The following ATP8A2 variants were observed in gnomAD, a reference collection of about 807,000 sequenced individuals.
The protein encoded by ATP8A2 is ATPase phospholipid transporting 8A2.
In ATP8A2, 100 loss-of-function variants were observed where a neutral mutation model predicts 165.6. That is an observed-to-expected ratio of 0.60 (90% CI 0.51 to 0.71). The LOEUF is 0.71. Ranked by LOEUF, ATP8A2 falls within the 30% of genes least tolerant of loss-of-function variation. The pLI, the probability that ATP8A2 is intolerant of heterozygous loss-of-function variation, is 0.00. For synonymous variants in ATP8A2, 543 were observed against 548.8 expected (o/e 0.99, Z 0.15); for missense variants, 1,227 against 1,479.5 (o/e 0.83, Z 2.80).
At chr13:25,801,903 A>G (rs1484878581) in intron 27 of ATP8A2, among the ~76,000 whole-genome samples, 1 of 152,110 alleles carries the variant, frequency 6.6e-6, no homozygotes, top group East Asian at 1.9e-4. Flanking sequence ...AGTGCAGAGC[A>G]AAGTGGGGGC....
At chr13:25,916,931 C>T (rs1954285559) in intron 33 of ATP8A2, among the ~76,000 whole-genome samples, 1 of 152,142 alleles carries the variant, frequency 6.6e-6, no homozygotes, top group South Asian at 2.1e-4. Context: ...ATGTTGGGCA[C>T]TTGCTGAGTC....
At chr13:25,970,843 T>G (rs1955895496) in intron 35 of ATP8A2, among the ~76,000 whole-genome samples, 1 of 151,774 alleles carries the variant, frequency 6.6e-6, no homozygotes, top group South Asian at 2.1e-4. Flanking sequence ...GATAAATGAA[T>G]GTTATTTTTA....
At chr13:25,809,664 C>T (rs959981198) in intron 27 of ATP8A2, among the ~76,000 whole-genome samples, 3 of 152,068 alleles carry the variant, frequency 2.0e-5, no homozygotes, top group Non-Finnish European at 4.4e-5. Flanking sequence ...TGGGTCTCTC[C>T]TCTAGCTCAC....
In ATP8A2 at chr13:26,021,405, A is replaced by C. The variant is rs1413235025; in HGVS notation, c.*1420A>C. On this transcript the variant is annotated 3_prime_UTR_variant, in exon 37 of 37. Coordinates refer to ENST00000381655, the MANE Select transcript of ATP8A2 (RefSeq NM_016529.6). ...ATTTCAGGGAAACACCTTTTTAAAA[A>C]ATATACTGACATGGTTTCCTTTCTG... The C allele has an allele frequency of 6.6e-6, 1 of 152,280 alleles. No individual in the cohort carries two copies. The highest frequency in any genetic ancestry group is 1.9e-4 in the East Asian group (1 of 5,202). 9.4% of individuals were successfully genotyped at this position (152,280 alleles called of 1,614,324 possible). A position where few individuals can be genotyped will look rare whatever the true frequency, so the allele number is the denominator to read the frequency against.
At chr13:25,708,372 T>C (rs2043094938) in intron 25 of ATP8A2, among the ~76,000 whole-genome samples, 1 of 152,230 alleles carries the variant, frequency 6.6e-6, no homozygotes, top group Non-Finnish European at 1.5e-5. Flanking sequence ...GAATGTGTCA[T>C]GTTAACTTTC....
chr13:25,567,539 C>T lies in ATP8A2; in HGVS notation c.1474-3228C>T, dbSNP rs1421668740. On this transcript the variant is annotated intron_variant, in intron 16 of 36. Coordinates refer to ENST00000381655, the MANE Select transcript of ATP8A2 (RefSeq NM_016529.6). ...TGAAAAGGAAGCCCTGCTGTGGGGA[C>T]ATTGTGATGACCATCCAAACACAGA... Among the ~76,000 whole-genome samples the T allele has an allele frequency of 1.3e-5, 2 of 152,254 alleles. 1 individual carries two copies.
At chr13:25,537,074 A>G (rs1382416372) in intron 6 of ATP8A2, among the ~76,000 whole-genome samples, 1 of 152,154 alleles carries the variant, frequency 6.6e-6, no homozygotes, top group African/African-American at 2.4e-5. Flanking sequence ...CTGCGATGTT[A>G]CTGAAAGGAT....
At chr13:25,943,550 T>G (rs1410958365) in intron 33 of ATP8A2, among the ~76,000 whole-genome samples, 1 of 152,176 alleles carries the variant, frequency 6.6e-6, no homozygotes. Context: ...CAATCCCATC[T>G]AGGTTTGTGT....
intron 25 of ATP8A2, among the ~76,000 whole-genome samples, chr13:25,745,001 C>T (rs373742240): frequency 6.6e-6 from 1 of 151,834 alleles, no homozygotes; most frequent in East Asian, 1.9e-4. Flanking sequence ...AGTGCAGTGG[C>T]ACGATCTTGG....
intron 33 of ATP8A2, among the ~76,000 whole-genome samples, chr13:25,895,080 G>A (rs1472792184): frequency 3.9e-5 from 6 of 152,150 alleles, no homozygotes; most frequent in Non-Finnish European, 4.4e-5. Context: ...TGTTGAATAG[G>A]AGTGGTGAGA....
chr13:25,853,566 AG>A (rs1952073736), intron 30 of ATP8A2, among the ~76,000 whole-genome samples: 1 of 152,122 alleles, frequency 6.6e-6, no homozygotes, highest in South Asian at 2.1e-4. Context: ...TGGTATTAGA[AG>A]AAAATTCAAA....
intron 35 of ATP8A2, among the ~76,000 whole-genome samples, chr13:25,988,034 C>T (rs1011709950): frequency 1.3e-5 from 2 of 152,234 alleles, no homozygotes; most frequent in Non-Finnish European, 2.9e-5. Flanking sequence ...CCAACTGCTT[C>T]GCCACAAGAA....
intron 33 of ATP8A2, chr13:25,927,406 T>C: frequency 2.8e-6 from 1 of 351,828 alleles, no homozygotes; most frequent in Non-Finnish European, 5.6e-6. Flanking sequence ...AATAGGCTGG[T>C]AGCTGCCTGT....
intron 33 of ATP8A2, among the ~76,000 whole-genome samples, chr13:25,891,060 C>T (rs928575691): frequency 6.6e-6 from 1 of 152,096 alleles, no homozygotes; most frequent in Non-Finnish European, 1.5e-5. Flanking sequence ...TTAGAAGAGT[C>T]GAGCATCTCT....
At chr13:25,828,076 T>A (rs759993108) in intron 27 of ATP8A2, 42 bp from the exon 28 acceptor site, 1 of 1,495,188 alleles carries the variant, frequency 6.7e-7, no homozygotes, top group Non-Finnish European at 9.3e-7. Context: ...AACATTTAGG[T>A]CAATATTGAT....
intron 16 of ATP8A2, chr13:25,567,182 C>T: frequency 2.8e-6 from 1 of 360,196 alleles, no homozygotes; most frequent in South Asian, 2.1e-5. Flanking sequence ...CCAAAGCTGG[C>T]CCGGGACTGG....
At chr13:25,773,037 G>A (rs1414323088) in intron 26 of ATP8A2, among the ~76,000 whole-genome samples, 1 of 152,182 alleles carries the variant, frequency 6.6e-6, no homozygotes, top group African/African-American at 2.4e-5. Flanking sequence ...TGGGATTACA[G>A]GTGTGAGCCA....
intron 24 of ATP8A2, among the ~76,000 whole-genome samples, chr13:25,612,970 G>T (rs893269610): frequency 6.6e-6 from 1 of 151,968 alleles, no homozygotes; most frequent in Non-Finnish European, 1.5e-5. Flanking sequence ...CATGCTTTTG[G>T]TGTCTGTTTT....
intron 9 of ATP8A2, 60 bp downstream of exon 9, chr13:25,542,106 T>C: frequency 6.7e-7 from 1 of 1,493,652 alleles, no homozygotes; most frequent in Non-Finnish European, 9.2e-7. Context: ...TACTGGAGCT[T>C]TGGAAAATAT....
Sources: allele counts gnomAD v4.1 joint callset (sites outside exome capture counted in the v4.1 genomes callset), GRCh38; gene constraint gnomAD v4.1.1; transcripts MANE v1.5; gene names NCBI Gene and HGNC (gene_info 2026-07-23, HGNC 2026-07-21).